NFIB: variants seen among roughly 807,000 people sequenced by gnomAD.
NFIB encodes nuclear factor I B, also known as nuclear factor 1 B-type.
In NFIB, 11 loss-of-function variants were observed where a neutral mutation model predicts 61.5. The ratio of observed to expected loss-of-function variants is 0.18; its 90% CI spans 0.11 to 0.30. NFIB has a LOEUF of 0.30. NFIB is among the 10% of genes least tolerant of loss of function. The pLI is 1.00. For missense variants in NFIB, 471 were observed against 608.9 expected (o/e 0.77, Z 2.38); for synonymous variants, 260 against 216.5 (o/e 1.20, Z -1.76).
intron 1 of NFIB, among the ~76,000 whole-genome samples, chr9:14,369,951 C>G (rs1282316834): frequency 2.6e-5 from 4 of 152,294 alleles, no homozygotes; most frequent in African/African-American, 9.6e-5. Flanking sequence ...CTCTTTACCC[C>G]CAGGGTAAGA....
Position 14,120,726 on chromosome 9 carries a change from T to C in NFIB, c.1061-102A>G. 8.3e-7 allele frequency: 1 copy of C among 1,199,186 alleles called. No individual in the cohort carries two copies. The highest frequency in any genetic ancestry group is 1.1e-6 in the Non-Finnish European group (1 of 873,504). The allele number at this position is 1,199,186 out of a possible 1,614,324, so 74.3% of individuals were successfully genotyped here. A position where few individuals can be genotyped will look rare whatever the true frequency, so the allele number is the denominator to read the frequency against. On this transcript the variant is annotated intron_variant, in intron 7 of 10. Transcript: ENST00000380953. The surrounding 1 kb of genome is among the most constrained non-coding windows in gnomAD (Gnocchi z 4.4). ...GTGAAACTACAAAACTGGTAACCAT[T>C]CATTTTTGTCCCCATGATTTAACCA...
intron 1 of NFIB, among the ~76,000 whole-genome samples, chr9:14,382,732 C>CA (rs533216635): frequency 6.6e-6 from 1 of 151,470 alleles, no homozygotes; most frequent in Admixed American, 6.6e-5. Flanking sequence ...ATAGGATAAC[C>CA]AAAAAAAGTC....
At chr9:14,341,408 G>C (rs927413769) in intron 1 of NFIB, among the ~76,000 whole-genome samples, 1 of 152,192 alleles carries the variant, frequency 6.6e-6, no homozygotes, top group African/African-American at 2.4e-5. Context: ...AATGCCCAAG[G>C]AGGGAGAAAG....
the NFIB span, among the ~76,000 whole-genome samples, chr9:14,436,602 C>T: frequency 3.7e-4 from 57 of 152,284 alleles, 1 homozygote; most frequent in South Asian, 0.011. Flanking sequence ...TCTTCCACAG[C>T]GCCAAATACC....
chr9:14,222,795 CAA>C (rs58787088), intron 2 of NFIB, among the ~76,000 whole-genome samples: 3 of 86,770 alleles, frequency 3.5e-5, no homozygotes, highest in Non-Finnish European at 4.3e-5. Flanking sequence ...GATCCTGTCT[CAA>C]AAAAAAAAAA....
intron 10 of NFIB, among the ~76,000 whole-genome samples, chr9:14,106,622 C>T (rs987496987): frequency 6.6e-6 from 1 of 152,072 alleles, no homozygotes; most frequent in Admixed American, 6.6e-5. Context: ...CAAATGGCTA[C>T]ATAAAGGGGA....
chr9:14,388,051 C>A (rs961245828), intron 1 of NFIB, among the ~76,000 whole-genome samples: 1 of 152,066 alleles, frequency 6.6e-6, no homozygotes, highest in Non-Finnish European at 1.5e-5. Context: ...AAAATGTGTA[C>A]CACAGTATTT....
At chr9:14,332,897 A>G (rs1012362176) in intron 1 of NFIB, among the ~76,000 whole-genome samples, 2 of 152,210 alleles carry the variant, frequency 1.3e-5, no homozygotes, top group Admixed American at 6.5e-5. Context: ...AGTCTGTTCA[A>G]TGAGGTCGGA....
chr9:14,268,484 T>C (rs1174445515), intron 2 of NFIB, among the ~76,000 whole-genome samples: 1 of 152,124 alleles, frequency 6.6e-6, no homozygotes, highest in African/African-American at 2.4e-5. Flanking sequence ...GCTTTCCCCA[T>C]CCCCAATGAC....
intron 2 of NFIB, among the ~76,000 whole-genome samples, chr9:14,280,444 T>C (rs1378545362): frequency 6.6e-6 from 1 of 152,170 alleles, no homozygotes; most frequent in Non-Finnish European, 1.5e-5. Context: ...AAGGAGGACC[T>C]ATCCTAATCA....
At chr9:14,257,941 T>C (rs550843349) in intron 2 of NFIB, among the ~76,000 whole-genome samples, 2 of 152,272 alleles carry the variant, frequency 1.3e-5, no homozygotes, top group East Asian at 3.9e-4. Context: ...TATCAGTATC[T>C]CAGTATCTCC....
intron 7 of NFIB, among the ~76,000 whole-genome samples, chr9:14,121,945 G>T (rs939835688): frequency 6.6e-6 from 1 of 151,896 alleles, no homozygotes; most frequent in Admixed American, 6.6e-5. Context: ...CTAAAATGTT[G>T]AGAGAAATAA....
At chr9:14,429,334 C>T in the NFIB span, among the ~76,000 whole-genome samples, 4 of 152,180 alleles carry the variant, frequency 2.6e-5, no homozygotes, top group Non-Finnish European at 4.4e-5. Context: ...AACCAAAGTA[C>T]AAAGAGGTCA....
chr9:14,371,079 A>C (rs1027387316), intron 1 of NFIB, among the ~76,000 whole-genome samples: 1 of 152,180 alleles, frequency 6.6e-6, no homozygotes, highest in African/African-American at 2.4e-5. Context: ...TGGGTGATAG[A>C]GCGAGACCCT....
At chr9:14,466,262 G>C in the NFIB span, among the ~76,000 whole-genome samples, 1 of 152,158 alleles carries the variant, frequency 6.6e-6, no homozygotes, top group Non-Finnish European at 1.5e-5. Flanking sequence ...ATTACTATTT[G>C]TCATAAAACC....
the NFIB span, among the ~76,000 whole-genome samples, chr9:14,510,363 A>G: frequency 1.1e-4 from 16 of 152,334 alleles, no homozygotes; most frequent in African/African-American, 3.6e-4. Flanking sequence ...AAGGTACCCA[A>G]TGAGAGACCA....
At chr9:14,305,225 G>A (rs1199141845) in intron 2 of NFIB, among the ~76,000 whole-genome samples, 1 of 152,088 alleles carries the variant, frequency 6.6e-6, no homozygotes, top group Non-Finnish European at 1.5e-5. Flanking sequence ...AGGAGTAAAT[G>A]TGCATGCAGG....
chr9:14,420,914 A>C, the NFIB span, among the ~76,000 whole-genome samples: 1 of 152,184 alleles, frequency 6.6e-6, no homozygotes, highest in Non-Finnish European at 1.5e-5. Flanking sequence ...ATAAGCTTTT[A>C]GATGACAGTT....
chr9:14,209,450 A>T (rs1349763509), intron 2 of NFIB, among the ~76,000 whole-genome samples: 1 of 152,260 alleles, frequency 6.6e-6, no homozygotes, highest in Non-Finnish European at 1.5e-5. Context: ...ATAAAATCCC[A>T]CACTATGGTG....
Sources: gnomAD v4.1 joint callset for allele counts (sites outside exome capture counted in the v4.1 genomes callset) on GRCh38, gnomAD v4.1.1 for gene constraint, Gnocchi (gnomAD v3.1) non-coding constraint, MANE v1.5 for transcripts, NCBI Gene and HGNC (gene_info 2026-07-23, HGNC 2026-07-21) for gene names.